DCBLD2: variants seen among roughly 807,000 people sequenced by gnomAD.
The protein encoded by DCBLD2 is discoidin, CUB and LCCL domain containing 2.
Under a neutral mutation model 86.8 loss-of-function variants are expected in DCBLD2, and 54 were observed. The ratio of observed to expected loss-of-function variants is 0.62; its 90% CI spans 0.50 to 0.78. The LOEUF is 0.78. Among genes scored for constraint, DCBLD2 ranks in the 30% least tolerant of loss-of-function variants. The pLI, the probability that DCBLD2 is intolerant of heterozygous loss-of-function variation, is 0.00. For missense variants in DCBLD2, 908 were observed against 954.2 expected (o/e 0.95, Z 0.64); for synonymous variants, 354 against 341.3 (o/e 1.04, Z -0.41).
At chr3:98,830,690 T>C (rs1942304692) in intron 3 of DCBLD2, among the ~76,000 whole-genome samples, 1 of 152,240 alleles carries the variant, frequency 6.6e-6, no homozygotes, top group African/African-American at 2.4e-5. Context: ...AGCTTTTTTC[T>C]TTTTGTTTAA....
intron 3 of DCBLD2, among the ~76,000 whole-genome samples, chr3:98,830,983 T>C (rs1942310516): frequency 6.6e-6 from 1 of 152,302 alleles, no homozygotes; most frequent in African/African-American, 2.4e-5. Flanking sequence ...CTAGGTATTT[T>C]ATTCTTTTTG....
chr3:98,838,134 G>T (rs1206796473), intron 3 of DCBLD2, among the ~76,000 whole-genome samples: 8 of 126,616 alleles, frequency 6.3e-5, no homozygotes, highest in African/African-American at 2.1e-4. Context: ...GCGGCTGGTC[G>T]GGCGGGGGGC....
At chr3:98,829,359 G>A (rs528628899) in intron 3 of DCBLD2, among the ~76,000 whole-genome samples, 46 of 152,016 alleles carry the variant, frequency 3.0e-4, no homozygotes, top group Non-Finnish European at 6.0e-4. Context: ...TGTGTCATGG[G>A]GGTTTGCTGT....
At chr3:98,811,698 G>T in intron 10 of DCBLD2, 144 bp from the exon 11 acceptor site, 1 of 794,652 alleles carries the variant, frequency 1.3e-6, no homozygotes, top group Non-Finnish European at 1.9e-6. Context: ...ATATTGGAAG[G>T]ATAAATATTA....
chr3:98,838,928 C>T (rs577037524), intron 3 of DCBLD2, among the ~76,000 whole-genome samples: 4 of 151,354 alleles, frequency 2.6e-5, no homozygotes, highest in African/African-American at 9.7e-5. Flanking sequence ...CGCAGGCATT[C>T]GGCAGACTGA....
chr3:98,819,360 G>A lies in DCBLD2; in HGVS notation c.929C>T (p.Ala310Val). 5 of 1,613,760 alleles carry A rather than the reference G, an allele frequency of 3.1e-6. No homozygotes were observed. The highest frequency in any genetic ancestry group is 4.2e-6 in the Non-Finnish European group (5 of 1,179,758). ...GTCAGTCCACTCCAGCACAGATGAT[G>A]CTGTTATTTGAGGATCCGCGATCAC... ...SGVIADPQIT[A>V]SSVLEWTDHT... is the part of the protein sequence containing the mutation. Residue 310 changes from alanine to valine, a missense_variant, in exon 8 of 16, where the codon GCA (alanine) becomes GTA (valine). By Grantham distance (64) the Ala-to-Val change is moderately conservative. Transcript: ENST00000326840.
At chr3:98,892,770 C>T (rs1290857965) in intron 1 of DCBLD2, among the ~76,000 whole-genome samples, 1 of 152,142 alleles carries the variant, frequency 6.6e-6, no homozygotes, top group Admixed American at 6.5e-5. Context: ...CACTCTTCCT[C>T]CATGCATGCA....
chr3:98,811,980 TCTTG>T (rs1293193347), intron 10 of DCBLD2, among the ~76,000 whole-genome samples: 1 of 152,210 alleles, frequency 6.6e-6, no homozygotes, highest in Non-Finnish European at 1.5e-5. Flanking sequence ...GATAAATTAT[TCTTG>T]CTTTAAATGT....
intron 2 of DCBLD2, among the ~76,000 whole-genome samples, chr3:98,856,280 C>T (rs993742208): frequency 6.6e-6 from 1 of 151,932 alleles, no homozygotes; most frequent in Admixed American, 6.6e-5. Context: ...AATAATCTGC[C>T]TCAAAACCTC....
chr3:98,837,809 C>T (rs1192520483), intron 3 of DCBLD2, among the ~76,000 whole-genome samples: 5 of 131,884 alleles, frequency 3.8e-5, no homozygotes, highest in African/African-American at 9.0e-5. Context: ...GGCGGCTGGC[C>T]GGGCGGAGGG....
chr3:98,898,915 G>C (rs2107536612), intron 1 of DCBLD2, among the ~76,000 whole-genome samples: 1 of 152,146 alleles, frequency 6.6e-6, no homozygotes, highest in African/African-American at 2.4e-5. Context: ...ATCATTTATA[G>C]CTATTTTAAG....
intron 3 of DCBLD2, among the ~76,000 whole-genome samples, chr3:98,838,100 C>T (rs1410629098): frequency 1.1e-4 from 15 of 141,338 alleles, no homozygotes; most frequent in Admixed American, 2.7e-4. Flanking sequence ...GGGGGCTGAA[C>T]CCCCCACCTC....
intron 3 of DCBLD2, among the ~76,000 whole-genome samples, chr3:98,835,938 C>CTTTCTTTTTTTTTTTT (rs56279917): frequency 2.6e-5 from 3 of 115,030 alleles, no homozygotes; most frequent in South Asian, 3.0e-4. Flanking sequence ...TCCTTTCTTT[C>CTTTCTTTTTTTTTTTT]TTTTTTTTTT....
chr3:98,822,684 A>C lies in DCBLD2; in HGVS notation c.681T>G (p.Pro227=). The change falls in exon 5 of 16, where the codon CCT becomes CCG. Residue 227 remains proline (P), a synonymous_variant. Transcript: ENST00000326840. ...TCTGGCTTACATCTCTATATCCATGAGGAATTGTTCCAGATATCTCAGCAA... is the reference window on the plus strand; with the variant it reads ...TCTGGCTTACATCTCTATATCCATGCGGAATTGTTCCAGATATCTCAGCAA... The part of the protein sequence containing the change: ...LPFAEISGTI[P]HGYRDSSPLC... 6.3e-7 allele frequency: 1 copy of C among 1,592,566 alleles called. No homozygotes were observed. Among genetic ancestry groups the C allele is most frequent in the Non-Finnish European group, 8.6e-7 (1 of 1,168,972 alleles).
Position 98,836,775 on chromosome 3 carries a change from C to T in DCBLD2, c.572-11409G>A, listed in dbSNP as rs1318407168. Among the ~76,000 whole-genome samples, 9 of 67,126 alleles carry T rather than the reference C, an allele frequency of 1.3e-4. 1 individual carries two copies. Among genetic ancestry groups the T allele is most frequent in the African/African-American group, 3.2e-4 (6 of 18,770 alleles). 44.0% of individuals were successfully genotyped at this position (67,126 alleles called of 152,430 possible). On this transcript the variant is annotated intron_variant, in intron 3 of 15. Coordinates refer to ENST00000326840, the MANE Select transcript of DCBLD2 (RefSeq NM_080927.4). ...CGGGGTGGCTGGCCGGGCGGGGGGC[C>T]GACACCCCCACCTCCCTCCCGGACG...
At chr3:98,872,160 G>C (rs1260152169) in intron 2 of DCBLD2, among the ~76,000 whole-genome samples, 1 of 152,176 alleles carries the variant, frequency 6.6e-6, no homozygotes, top group Non-Finnish European at 1.5e-5. Context: ...CTACAGAAGT[G>C]ATCTCTGAAA....
At chr3:98,855,445 C>G (rs1409035201) in intron 2 of DCBLD2, among the ~76,000 whole-genome samples, 1 of 152,180 alleles carries the variant, frequency 6.6e-6, no homozygotes, top group East Asian at 1.9e-4. Flanking sequence ...AGTGACCCAG[C>G]AATTCCTCTT....
Position 98,881,648 on chromosome 3 carries a change from CT to C in DCBLD2, c.324del (p.Glu109ArgfsTer23). 1 of 1,613,976 alleles carries C rather than the reference CT, an allele frequency of 6.2e-7. No individual in the cohort carries two copies. Among genetic ancestry groups the C allele is most frequent in the South Asian group, 1.1e-5 (1 of 91,086 alleles). On this transcript the variant is annotated frameshift_variant, in exon 2 of 16. Transcript: ENST00000326840. LOFTEE classifies it high-confidence loss of function. ...TCACCAAATTTGATGCGAACTCTCTCTCCCATCTTTACACGGATCTCCCATT... is the reference window on the plus strand; with the variant it reads ...TCACCAAATTTGATGCGAACTCTCTCCCCATCTTTACACGGATCTCCCATT... ...VCEWEIRVKM[G>X]ERVRIKFGDF...
chr3:98,898,453 T>C (rs1206966406), intron 1 of DCBLD2, among the ~76,000 whole-genome samples: 4 of 151,322 alleles, frequency 2.6e-5, no homozygotes, highest in African/African-American at 9.7e-5. Context: ...CAAAGAAACC[T>C]TTTTTGCAGT....
Sources: gnomAD v4.1 joint callset for allele counts (sites outside exome capture counted in the v4.1 genomes callset) on GRCh38, gnomAD v4.1.1 for gene constraint, MANE v1.5 for transcripts, NCBI Gene and HGNC (gene_info 2026-07-23, HGNC 2026-07-21) for gene names.